Variants in SEL1L2 observed in about 807,000 individuals in gnomAD.
The protein encoded by SEL1L2 is SEL1L2 adaptor subunit of SYVN1 ubiquitin ligase.
In SEL1L2, 89 loss-of-function variants were observed where a neutral mutation model predicts 98.8. The ratio of observed to expected loss-of-function variants is 0.90; its 90% CI spans 0.76 to 1.07. The LOEUF (loss-of-function observed/expected upper bound fraction) is 1.07, where lower values mean the gene tolerates loss of function less well. Ranked by LOEUF, SEL1L2 falls within the 50% of genes least tolerant of loss-of-function variation. The pLI is 0.00. For synonymous variants in SEL1L2, 262 were observed against 278.5 expected, an observed-to-expected ratio of 0.94 and a Z score of 0.59; for missense variants, 788 against 812.0, an observed-to-expected ratio of 0.97 and a Z score of 0.36.
chr20:13,937,715 T>G (rs558003246), intron 2 of SEL1L2, among the ~76,000 whole-genome samples: 1 of 152,298 alleles, frequency 6.6e-6, no homozygotes, highest in African/African-American at 2.4e-5. Flanking sequence ...ATCTACTCAA[T>G]TATTTATAGA....
intron 5 of SEL1L2, among the ~76,000 whole-genome samples, chr20:13,904,452 T>C (rs924816088): frequency 2.6e-5 from 4 of 152,044 alleles, no homozygotes; most frequent in African/African-American, 9.7e-5. Context: ...CGCTTGAACC[T>C]GGGAGGTGGA....
chr20:13,983,158 T>C (rs1485741723), intron 1 of SEL1L2, among the ~76,000 whole-genome samples: 3 of 151,970 alleles, frequency 2.0e-5, no homozygotes, highest in Non-Finnish European at 4.4e-5. Flanking sequence ...GGACTGTTCA[T>C]TCCTTCCATC....
intron 1 of SEL1L2, among the ~76,000 whole-genome samples, chr20:13,981,049 C>A: frequency 6.6e-6 from 1 of 152,138 alleles, no homozygotes; most frequent in East Asian, 1.9e-4. Context: ...TTGAGAGCAG[C>A]CTTGCCAACA....
Position 13,883,725 on chromosome 20 carries a change from G to A in SEL1L2, c.957+1622C>T, listed in dbSNP as rs574186140. 1.7e-4 allele frequency among the ~76,000 whole-genome samples: 26 copies of A among 152,338 alleles called. No individual in the cohort carries two copies. The South Asian group carries it at 5.4e-3, about 32-fold the overall frequency. On this transcript the variant is annotated intron_variant, in intron 10 of 19. Coordinates refer to ENST00000284951, the MANE Select transcript of SEL1L2 (RefSeq NM_025229.2). ...CAGCTGCCATCTGGTGACCACAGTGGCTGGAGCTGACTGAAGTACCAACTT... is the reference window on the plus strand; with the variant it reads ...CAGCTGCCATCTGGTGACCACAGTGACTGGAGCTGACTGAAGTACCAACTT...
intron 3 of SEL1L2, among the ~76,000 whole-genome samples, chr20:13,924,288 C>T (rs1016344825): frequency 3.4e-5 from 5 of 148,824 alleles, no homozygotes; most frequent in Non-Finnish European, 4.5e-5. Context: ...TTTTGTTTTT[C>T]TTTTTTTTTC....
intron 1 of SEL1L2, among the ~76,000 whole-genome samples, chr20:13,966,502 T>C (rs1426217347): frequency 4.6e-5 from 7 of 152,066 alleles, no homozygotes; most frequent in Non-Finnish European, 1.0e-4. Context: ...TATTTTTTAG[T>C]AGAGACGAGG....
intron 1 of SEL1L2, among the ~76,000 whole-genome samples, chr20:13,972,127 T>C (rs1303086789): frequency 6.6e-6 from 1 of 152,220 alleles, no homozygotes; most frequent in Admixed American, 6.5e-5. Flanking sequence ...ATTTCTTTTC[T>C]AGATAAATTT....
intron 2 of SEL1L2, among the ~76,000 whole-genome samples, chr20:13,948,487 A>G (rs2050119787): frequency 6.6e-6 from 1 of 152,228 alleles, no homozygotes; most frequent in Non-Finnish European, 1.5e-5. Context: ...AAAGAGTGCC[A>G]AGACCATTCA....
intron 12 of SEL1L2, among the ~76,000 whole-genome samples, chr20:13,870,710 G>T (rs1262132253): frequency 6.6e-6 from 1 of 152,092 alleles, no homozygotes; most frequent in Non-Finnish European, 1.5e-5. Flanking sequence ...ATCACCTGAG[G>T]TCAGGAGTTC....
intron 10 of SEL1L2, among the ~76,000 whole-genome samples, chr20:13,878,102 C>T (rs1270971877): frequency 6.6e-6 from 1 of 152,106 alleles, no homozygotes; most frequent in Non-Finnish European, 1.5e-5. Flanking sequence ...CCTTCTGACT[C>T]AAATTGAAGG....
At position 13,984,845 on chromosome 20, in the gene SEL1L2, G is replaced by A. The variant is rs1175195358; in HGVS notation, c.58+5632C>T. On this transcript the variant is annotated intron_variant, in intron 1 of 19. Transcript: ENST00000284951. The stretch of plus-strand genomic sequence containing the variant: ...TAACATATAATAATTGTACATATAC[G>A]GAGCACAGTGTGATATTTTGATACA... Among the ~76,000 whole-genome samples, 6 of 151,158 alleles carry A rather than the reference G, an allele frequency of 4.0e-5. 1 individual carries two copies. Among genetic ancestry groups the A allele is most frequent in the Admixed American group, 3.3e-4 (5 of 15,170 alleles).
intron 5 of SEL1L2, among the ~76,000 whole-genome samples, chr20:13,895,988 C>T (rs1413288527): frequency 6.6e-6 from 1 of 151,650 alleles, no homozygotes; most frequent in Non-Finnish European, 1.5e-5. Flanking sequence ...GCCTGGCCAA[C>T]ATAGCAAAAC....
chr20:13,939,689 A>G (rs1569008052), intron 2 of SEL1L2, among the ~76,000 whole-genome samples: 1 of 78,984 alleles, frequency 1.3e-5, no homozygotes, highest in South Asian at 3.3e-4. Context: ...TTTTTGAGAC[A>G]GAGTTTTGTT....
chr20:13,857,822 T>C (rs1989405981), intron 18 of SEL1L2, among the ~76,000 whole-genome samples: 1 of 152,212 alleles, frequency 6.6e-6, no homozygotes, highest in African/African-American at 2.4e-5. Context: ...TCATTCTACA[T>C]ACTGTTTGAC....
At chr20:13,855,367 T>C (rs1988984010) in intron 18 of SEL1L2, among the ~76,000 whole-genome samples, 1 of 152,102 alleles carries the variant, frequency 6.6e-6, no homozygotes. Context: ...ATAAGATTCT[T>C]TTTATTTGTA....
At chr20:13,983,492 G>T (rs368678499) in intron 1 of SEL1L2, among the ~76,000 whole-genome samples, 2 of 151,918 alleles carry the variant, frequency 1.3e-5, no homozygotes, top group East Asian at 3.9e-4. Flanking sequence ...AGGTCTTTTA[G>T]CACTAGCTTT....
chr20:13,958,054 C>T (rs759410399), intron 1 of SEL1L2, among the ~76,000 whole-genome samples: 11 of 152,020 alleles, frequency 7.2e-5, no homozygotes, highest in Non-Finnish European at 1.2e-4. Context: ...CCAAGTTTGT[C>T]AAGTGATTAT....
intron 2 of SEL1L2, among the ~76,000 whole-genome samples, chr20:13,952,410 G>A (rs2050316905): frequency 6.6e-6 from 1 of 152,170 alleles, no homozygotes; most frequent in South Asian, 2.1e-4. Flanking sequence ...ATGAGGTCTA[G>A]GGAACTCCAA....
At chr20:13,948,164 A>G (rs892207032) in intron 2 of SEL1L2, among the ~76,000 whole-genome samples, 3 of 152,160 alleles carry the variant, frequency 2.0e-5, no homozygotes, top group African/African-American at 7.2e-5. Context: ...AAGTCTTAAT[A>G]TTTCTAAGAT....
Sources: allele counts gnomAD v4.1 joint callset (sites outside exome capture counted in the v4.1 genomes callset), GRCh38; gene constraint gnomAD v4.1.1; transcripts MANE v1.5; gene names NCBI Gene and HGNC (gene_info 2026-07-23, HGNC 2026-07-21).